CSMD1: variants seen among roughly 807,000 people sequenced by gnomAD.
CSMD1 encodes the protein CUB and sushi domain-containing protein 1.
CSMD1 carries 213 observed loss-of-function variants against 417.5 expected under a neutral mutation model. That is an observed-to-expected ratio of 0.51 (90% confidence interval 0.46 to 0.57). The LOEUF (loss-of-function observed/expected upper bound fraction) is 0.57, where lower values mean the gene tolerates loss of function less well. CSMD1 is among the 20% of genes least tolerant of loss of function. The pLI, the probability that CSMD1 is intolerant of heterozygous loss-of-function variation, is 0.00. For synonymous variants in CSMD1, 2,862 were observed against 1,736.8 expected (o/e 1.65, Z -16.11); for missense variants, 6,923 against 4,529.7 (o/e 1.53, Z -15.17).
At chr8:3,565,711 A>T (rs1045544498) in intron 10 of CSMD1, among the ~76,000 whole-genome samples, 2 of 152,248 alleles carry the variant, frequency 1.3e-5, no homozygotes, top group Admixed American at 6.5e-5. Flanking sequence ...TTAAGTTTAA[A>T]GCAAATTTTT....
chr8:3,966,235 C>T (rs1165382280), intron 5 of CSMD1, among the ~76,000 whole-genome samples: 4 of 152,098 alleles, frequency 2.6e-5, no homozygotes, highest in Non-Finnish European at 4.4e-5. Flanking sequence ...TAAATGATTT[C>T]CGCCCATATT....
intron 1 of CSMD1, among the ~76,000 whole-genome samples, chr8:4,963,213 T>TA (rs1809628766): frequency 1.3e-5 from 2 of 152,288 alleles, no homozygotes; most frequent in East Asian, 1.9e-4. Context: ...CTTATTTATT[T>TA]TATTTGAGAT....
rs184978286 is a variant in CSMD1, at chr8:4,128,463, C to T, written c.416-96364G>A. ...CTATGAATGCACATATGCCATTCCACATGCTCTCCAAGGTTTAAAATTTAA... is the reference window on the plus strand; with the variant it reads ...CTATGAATGCACATATGCCATTCCATATGCTCTCCAAGGTTTAAAATTTAA... On this transcript the variant is annotated intron_variant, in intron 3 of 69. Coordinates refer to ENST00000635120, the MANE Select transcript of CSMD1 (RefSeq NM_033225.6). Among the ~76,000 whole-genome samples the T allele has an allele frequency of 2.9e-4, 44 of 152,324 alleles. 1 individual carries two copies. In the Middle Eastern group the frequency reaches 0.01, roughly 35 times the overall value.
At chr8:4,982,587 A>G (rs1262035640) in intron 1 of CSMD1, among the ~76,000 whole-genome samples, 1 of 152,226 alleles carries the variant, frequency 6.6e-6, no homozygotes, top group Non-Finnish European at 1.5e-5. Flanking sequence ...TCTTTCTCAT[A>G]GGTTCTATTC....
intron 1 of CSMD1, among the ~76,000 whole-genome samples, chr8:4,757,314 G>A (rs918737450): frequency 1.3e-5 from 2 of 152,128 alleles, no homozygotes; most frequent in African/African-American, 2.4e-5. Flanking sequence ...TCATAACCTG[G>A]CTATCATGTC....
At chr8:3,422,621 G>C (rs924311601) in intron 12 of CSMD1, among the ~76,000 whole-genome samples, 1 of 152,168 alleles carries the variant, frequency 6.6e-6, no homozygotes, top group Non-Finnish European at 1.5e-5. Context: ...TGTCTTTTGG[G>C]AATCAAGTGG....
At chr8:3,021,123 C>A (rs930219827) in intron 51 of CSMD1, among the ~76,000 whole-genome samples, 2 of 152,168 alleles carry the variant, frequency 1.3e-5, no homozygotes, top group Non-Finnish European at 2.9e-5. Context: ...GAGGTTTCAG[C>A]GCACCTTCGC....
At chr8:3,621,627 C>T (rs1357441882) in intron 7 of CSMD1, among the ~76,000 whole-genome samples, 2 of 151,858 alleles carry the variant, frequency 1.3e-5, no homozygotes, top group Non-Finnish European at 2.9e-5. Flanking sequence ...GAATCTTGTT[C>T]TGTTGCCCAG....
At chr8:4,130,612 C>G (rs193194472) in intron 3 of CSMD1, among the ~76,000 whole-genome samples, 15 of 152,194 alleles carry the variant, frequency 9.9e-5, no homozygotes, top group African/African-American at 3.1e-4. Flanking sequence ...ACGCTCTTGT[C>G]TTCTACCATT....
intron 28 of CSMD1, 62 bp downstream of exon 28, chr8:3,223,667 G>C: frequency 6.4e-7 from 1 of 1,557,064 alleles, no homozygotes; most frequent in Non-Finnish European, 8.8e-7. Context: ...CATAAAAGAA[G>C]TAATTTTTAG....
intron 11 of CSMD1, among the ~76,000 whole-genome samples, chr8:3,480,316 C>T (rs559527307): frequency 2.1e-4 from 32 of 152,232 alleles, no homozygotes; most frequent in South Asian, 2.1e-4. Context: ...GAGCACAGAT[C>T]GTGCCACTGC....
At chr8:4,917,847 C>T (rs1806175492) in intron 1 of CSMD1, among the ~76,000 whole-genome samples, 1 of 151,998 alleles carries the variant, frequency 6.6e-6, no homozygotes, top group Non-Finnish European at 1.5e-5. Context: ...GAGGAGATTT[C>T]CAAAGACTGT....
chr8:3,241,799 G>A (rs1471641251), intron 26 of CSMD1, among the ~76,000 whole-genome samples: 1 of 152,108 alleles, frequency 6.6e-6, no homozygotes, highest in Non-Finnish European at 1.5e-5. Flanking sequence ...GCAAGGAACT[G>A]CAACTTAGAA....
chr8:4,502,244 A>C (rs893202417), intron 2 of CSMD1, among the ~76,000 whole-genome samples: 2 of 152,134 alleles, frequency 1.3e-5, no homozygotes, highest in Admixed American at 6.6e-5. Context: ...TAGAACTAGA[A>C]AGTTCTGGGT....
intron 1 of CSMD1, among the ~76,000 whole-genome samples, chr8:4,761,187 G>C (rs893528865): frequency 1.3e-5 from 2 of 152,112 alleles, no homozygotes; most frequent in African/African-American, 4.8e-5. Context: ...TAAGGGACTA[G>C]CTGAAGGTTG....
intron 1 of CSMD1, among the ~76,000 whole-genome samples, chr8:4,796,237 A>T (rs1346048538): frequency 6.6e-6 from 1 of 151,956 alleles, no homozygotes; most frequent in East Asian, 1.9e-4. Context: ...CCTGCATGAA[A>T]ATGCCTCCTT....
chr8:3,777,280 C>T (rs1035528534), intron 5 of CSMD1, among the ~76,000 whole-genome samples: 13 of 152,060 alleles, frequency 8.5e-5, no homozygotes, highest in Admixed American at 7.2e-4. Context: ...GCTTGGTGCA[C>T]AGTCCACAGT....
At chr8:3,923,466 A>C (rs11786669) in intron 5 of CSMD1, among the ~76,000 whole-genome samples, 1 of 151,980 alleles carries the variant, frequency 6.6e-6, no homozygotes. Context: ...CTGCATTGCC[A>C]TTTATGTGGG....
intron 51 of CSMD1, among the ~76,000 whole-genome samples, chr8:3,025,493 T>C (rs544373292): frequency 5.3e-5 from 8 of 152,316 alleles, no homozygotes; most frequent in African/African-American, 1.9e-4. Context: ...TCTGAAACTG[T>C]GTATTGTGTG....
Sources: gnomAD v4.1 joint callset for allele counts (sites outside exome capture counted in the v4.1 genomes callset) on GRCh38, gnomAD v4.1.1 for gene constraint, MANE v1.5 for transcripts, NCBI Gene and HGNC (gene_info 2026-07-23, HGNC 2026-07-21) for gene names.